QRFPR: variants seen among roughly 807,000 people sequenced by gnomAD.
QRFPR encodes pyroglutamylated RFamide peptide receptor, also known as pyroglutamylated RF-amide peptide receptor.
A neutral mutation model predicts 31.3 loss-of-function variants in QRFPR; 37 were observed. The observed-to-expected ratio is 1.18, with a 90% CI of 0.91 to 1.56. The LOEUF is 1.56. QRFPR is among the 40% of genes most tolerant of loss of function. The pLI is 0.00. For missense variants in QRFPR, 542 were observed against 532.5 expected, an observed-to-expected ratio of 1.02 and a Z score of -0.18; for synonymous variants, 197 against 192.0, an observed-to-expected ratio of 1.03 and a Z score of -0.22.
chr4:121,367,325 T>A (rs1229134063), intron 1 of QRFPR, among the ~76,000 whole-genome samples: 2 of 150,078 alleles, frequency 1.3e-5, no homozygotes, highest in Non-Finnish European at 3.0e-5. Flanking sequence ...AAATTTTTTT[T>A]AACACCACTT....
At chr4:121,354,011 T>C (rs1164137995) in intron 1 of QRFPR, among the ~76,000 whole-genome samples, 1 of 152,110 alleles carries the variant, frequency 6.6e-6, no homozygotes, top group African/African-American at 2.4e-5. Context: ...CAAAAATAAG[T>C]GACTGCAAAT....
intron 3 of QRFPR, 76 bp downstream of exon 3, chr4:121,336,731 G>A: frequency 1.7e-6 from 2 of 1,200,598 alleles, no homozygotes; most frequent in Non-Finnish European, 2.5e-6. Context: ...GCTCCTGCAG[G>A]AAGGAAAATA....
chr4:121,338,332 T>G (rs1725471828), intron 2 of QRFPR, among the ~76,000 whole-genome samples: 1 of 152,142 alleles, frequency 6.6e-6, no homozygotes. Context: ...CCCTGGATGG[T>G]TCTGAGATAG....
chr4:121,377,002 G>A (rs1726367198), intron 1 of QRFPR, among the ~76,000 whole-genome samples: 1 of 152,100 alleles, frequency 6.6e-6, no homozygotes. Context: ...GAATAAAACA[G>A]TCATTCACAG....
Position 121,340,451 on chromosome 4 carries a change from C to T in QRFPR, c.499+1G>A, listed in dbSNP as rs1243095975. 3.1e-6 allele frequency: 5 copies of T among 1,613,962 alleles called. No homozygotes were observed. Among genetic ancestry groups the T allele is most frequent in the East Asian group, 2.2e-5 (1 of 44,872 alleles). ...GCCATTGGCACATCCAGTGGCCTCA[C>T]CTAGCATTGTGAAAGCCCTTCGGTT... is the stretch of plus-strand genomic sequence containing the variant. On this transcript the variant is annotated splice_donor_variant, in intron 2 of 5. Transcript: ENST00000394427. LOFTEE classifies it high-confidence loss of function.
At chr4:121,379,705 G>T (rs138753662) in intron 1 of QRFPR, among the ~76,000 whole-genome samples, 1 of 152,144 alleles carries the variant, frequency 6.6e-6, no homozygotes, top group East Asian at 1.9e-4. Context: ...CCTTCTTCCT[G>T]CATGACACTT....
At chr4:121,365,580 ATTAT>A (rs1560743850) in intron 1 of QRFPR, among the ~76,000 whole-genome samples, 305 of 4,762 alleles carry the variant, frequency 0.064, 18 homozygotes, top group Non-Finnish European at 0.082. Flanking sequence ...TATAATATAT[ATTAT>A]ATATATTATA....
At chr4:121,333,802 C>T (rs1174310760) in intron 3 of QRFPR, among the ~76,000 whole-genome samples, 1 of 152,106 alleles carries the variant, frequency 6.6e-6, no homozygotes, top group East Asian at 1.9e-4. Flanking sequence ...TCAGAAGTCA[C>T]TTTTTTGGGT....
intron 1 of QRFPR, among the ~76,000 whole-genome samples, chr4:121,348,548 G>A (rs1035388226): frequency 7.3e-5 from 11 of 151,446 alleles, no homozygotes; most frequent in South Asian, 4.2e-4. Context: ...TTTCTTCTCC[G>A]GTTTCTTTAA....
At position 121,344,210 on chromosome 4, in the gene QRFPR, G is replaced by C. The variant is rs562659872; in HGVS notation, c.341-3600C>G. Reference sequence around the variant, plus strand: ...GAGAAAGACACTGCAGTTCAAAGAGGTTAAATGATGTGCTCAGGTCCACAC... The same window carrying C: ...GAGAAAGACACTGCAGTTCAAAGAGCTTAAATGATGTGCTCAGGTCCACAC... On this transcript the variant is annotated intron_variant, in intron 1 of 5. Transcript: ENST00000394427. 6.6e-5 allele frequency among the ~76,000 whole-genome samples: 10 copies of C among 152,274 alleles called. No individual in the cohort carries two copies. In the East Asian group the frequency reaches 1.7e-3, roughly 26 times the overall value.
intron 1 of QRFPR, among the ~76,000 whole-genome samples, chr4:121,359,617 G>T (rs1178140425): frequency 6.7e-6 from 1 of 150,054 alleles, no homozygotes; most frequent in East Asian, 2.0e-4. Flanking sequence ...TTAATACTTA[G>T]TAAACTCATA....
chr4:121,379,294 T>C (rs1383909943), intron 1 of QRFPR, among the ~76,000 whole-genome samples: 1 of 152,358 alleles, frequency 6.6e-6, no homozygotes, highest in East Asian at 1.9e-4. Context: ...AAATTGGTAA[T>C]GGTAGGATGA....
At chr4:121,373,457 G>T (rs1209464917) in intron 1 of QRFPR, among the ~76,000 whole-genome samples, 1 of 152,102 alleles carries the variant, frequency 6.6e-6, no homozygotes, top group Non-Finnish European at 1.5e-5. Context: ...GTTGCTGTTG[G>T]ACCTCTGTTT....
intron 2 of QRFPR, among the ~76,000 whole-genome samples, chr4:121,337,906 G>A (rs1383114187): frequency 3.3e-5 from 5 of 152,304 alleles, no homozygotes; most frequent in South Asian, 2.1e-4. Flanking sequence ...GGAAGAGGAC[G>A]GAACCAAGGG....
intron 1 of QRFPR, among the ~76,000 whole-genome samples, chr4:121,354,334 C>T (rs969261533): frequency 2.7e-5 from 4 of 149,690 alleles, no homozygotes; most frequent in Non-Finnish European, 6.0e-5. Context: ...TTCTTCCAAC[C>T]CATGAACATG....
intron 1 of QRFPR, chr4:121,370,365 T>G: frequency 1.3e-6 from 1 of 745,586 alleles, no homozygotes; most frequent in Non-Finnish European, 2.5e-6. Context: ...GAGATCCAGG[T>G]GTTTTTTCTA....
At chr4:121,380,220 A>AGAGAGAGAGAGAGATCCCCTGAAAG (rs1726456152) in intron 1 of QRFPR, 88 bp downstream of exon 1, 1 of 789,912 alleles carries the variant, frequency 1.3e-6, no homozygotes, top group Non-Finnish European at 2.0e-6. Flanking sequence ...AGAGAGAGAG[A>AGAGAGAGAGAGAGATCCCCTGAAAG]GAGAGAGAGA....
intron 1 of QRFPR, chr4:121,369,720 A>G: frequency 1.3e-6 from 2 of 1,597,054 alleles, no homozygotes; most frequent in South Asian, 1.1e-5. Flanking sequence ...CCACTTCCAG[A>G]GTCCATGGTG....
In QRFPR at chr4:121,380,519, G is replaced by A; in HGVS notation, c.129C>T (p.Arg43=). The part of the protein sequence containing the change: ...PLVYTPELPG[R]AKLALVLTGV... ...CGGTGAGCACGAGGGCCAGCTTGGC[G>A]CGTCCCGGCAGCTCTGGGGTGTAGA... is the stretch of plus-strand genomic sequence containing the variant. The change falls in exon 1 of 6, where the codon CGC becomes CGT. Residue 43 remains arginine (R), a synonymous_variant. Transcript: ENST00000394427. 2 of 1,613,830 alleles carry A rather than the reference G, an allele frequency of 1.2e-6. No individual in the cohort carries two copies. Among genetic ancestry groups the A allele is most frequent in the Non-Finnish European group, 1.7e-6 (2 of 1,179,852 alleles).
Sources: allele counts gnomAD v4.1 joint callset (sites outside exome capture counted in the v4.1 genomes callset), GRCh38; gene constraint gnomAD v4.1.1; transcripts MANE v1.5; gene names NCBI Gene and HGNC (gene_info 2026-07-23, HGNC 2026-07-21).